Variants in RNF31 observed in about 807,000 individuals in gnomAD.
The protein encoded by RNF31 is ring finger protein 31, also known as E3 ubiquitin-protein ligase RNF31.
Under a neutral mutation model 133.6 loss-of-function variants are expected in RNF31, and 38 were observed. The observed-to-expected ratio is 0.28, with a 90% confidence interval of 0.22 to 0.37. The LOEUF (loss-of-function observed/expected upper bound fraction) is 0.37, where lower values mean the gene tolerates loss of function less well. Ranked by LOEUF, RNF31 falls within the 10% of genes least tolerant of loss-of-function variation. The pLI is 1.00. For synonymous variants in RNF31, 582 were observed against 552.3 expected, an observed-to-expected ratio of 1.05 and a Z score of -0.75; for missense variants, 1,118 against 1,394.1, an observed-to-expected ratio of 0.80 and a Z score of 3.15.
At chr14:24,152,129 A>C (rs905515170) in intron 11 of RNF31, 137 bp downstream of exon 11, 1 of 814,348 alleles carries the variant, frequency 1.2e-6, no homozygotes, top group Admixed American at 3.0e-5. Context: ...TGGGAGGGGG[A>C]AGTCAGGAAC....
rs781555522 is a variant in RNF31, at chr14:24,148,100, G to T, written c.317G>T (p.Arg106Leu). ...GTCAAGTTTAATAACCCTGTCTTTC[G>T]CAGCACGGTGGATGCTGTGCAGGTG... ...RGVKFNNPVF[R>L]STVDAVQGGR... The change falls in exon 2 of 21, where the codon CGC becomes CTC. Residue 106 changes from arginine to leucine, a missense_variant. By Grantham distance (102) the Arg-to-Leu change is moderately radical. This residue lies in a region of RNF31 where 747 missense variants were observed against 827.9 expected (regional missense o/e 0.90). Transcript: ENST00000324103. 193 of 1,614,070 alleles carry T rather than the reference G, an allele frequency of 1.2e-4. No individual in the cohort carries two copies. The highest frequency in any genetic ancestry group is 1.6e-4 in the Non-Finnish European group (191 of 1,180,056).
rs376229045 is a variant in RNF31, at chr14:24,150,702, G to A, written c.1302G>A (p.Arg434=). ...GCTGGGTGTGTGTTATGTGCAACCG[G>A]ACTAGTAGCCCCATTCCAGCACAAC... ...SPGWVCVMCN[R]TSSPIPAQHA... is the part of the protein sequence containing the mutation. Residue 434 remains arginine (R), a synonymous_variant, in exon 8 of 21, where the codon CGG becomes CGA. Coordinates refer to ENST00000324103, the MANE Select transcript of RNF31 (RefSeq NM_017999.5). The A allele has an allele frequency of 6.2e-7, 1 of 1,614,198 alleles. No individual in the cohort carries two copies. Among genetic ancestry groups the A allele is most frequent in the Admixed American group, 1.7e-5 (1 of 60,024 alleles).
In RNF31 at chr14:24,151,409, T is replaced by C. The variant is rs371561066; in HGVS notation, c.1737+30T>C. The C allele has an allele frequency of 6.2e-7, 1 of 1,613,416 alleles. No individual in the cohort carries two copies. Reference sequence around the variant, plus strand: ...CAGCTGTGCTGGATATGGGATAGGGTCGAGAGTCTGCATCTCTCACACTCT... The same window carrying C: ...CAGCTGTGCTGGATATGGGATAGGGCCGAGAGTCTGCATCTCTCACACTCT... On this transcript the variant is annotated intron_variant, in intron 9 of 20. Transcript: ENST00000324103. This position sits in a 1 kb window ranked among gnomAD's most constrained non-coding sequence, Gnocchi z 5.3.
At chr14:24,149,946 T>C (rs896465476) in intron 6 of RNF31, 115 bp from the exon 7 acceptor site, 143 of 1,256,804 alleles carry the variant, frequency 1.1e-4, no homozygotes, top group Non-Finnish European at 1.4e-4. Context: ...AGACAGACAA[T>C]GTGTGCAAAG....
chr14:24,156,635 C>G (rs931859874), intron 14 of RNF31, among the ~76,000 whole-genome samples: 2 of 151,932 alleles, frequency 1.3e-5, no homozygotes, highest in Admixed American at 1.3e-4. Flanking sequence ...AAAAATTAGC[C>G]GGGTGTGGTG....
Position 24,151,047 on chromosome 14 carries a change from C to T in RNF31, c.1489-84C>T. ...TACACTGATGACATGATCCATATGT[C>T]TGAGCTGAGCCACTGTCACCATCTT... On this transcript the variant is annotated intron_variant, in intron 8 of 20. Transcript: ENST00000324103. The surrounding 1 kb of genome is among the most constrained non-coding windows in gnomAD (Gnocchi z 5.3). 6.3e-7 allele frequency: 1 copy of T among 1,578,322 alleles called. No homozygotes were observed. The highest frequency in any genetic ancestry group is 8.6e-7 in the Non-Finnish European group (1 of 1,160,082).
At chr14:24,146,889 C>A, upstream of RNF31, 1 of 500,784 alleles carries the variant, frequency 2.0e-6, no homozygotes, top group Non-Finnish European at 3.6e-6. Flanking sequence ...CTAGGGCCAA[C>A]TGGAAGTCCA....
At chr14:24,149,020 A>G (rs904265865) in intron 5 of RNF31, 144 bp downstream of exon 5, 21 of 806,078 alleles carry the variant, frequency 2.6e-5, no homozygotes, top group East Asian at 1.2e-4. Flanking sequence ...CTGGAGTGCA[A>G]TGGTGCGATC....
At chr14:24,154,643 A>G (rs1428812509) in intron 11 of RNF31, among the ~76,000 whole-genome samples, 1 of 152,172 alleles carries the variant, frequency 6.6e-6, no homozygotes, top group African/African-American at 2.4e-5. Flanking sequence ...CATTGCTCCA[A>G]TGTTAGCTAT....
chr14:24,150,562 A>C lies in RNF31; in HGVS notation c.1198-36A>C, dbSNP rs573586092. 2.5e-6 allele frequency: 4 copies of C among 1,589,776 alleles called. No homozygotes were observed. The East Asian group carries it at 9.0e-5, about 36-fold the overall frequency. On this transcript the variant is annotated intron_variant, in intron 7 of 20. Coordinates refer to ENST00000324103, the MANE Select transcript of RNF31 (RefSeq NM_017999.5). ...TGTATTTCTGTTGTGAACTTCAGCCAGCCAGTCAAAGGGATAATTCTCTCT... is the reference window on the plus strand; with the variant it reads ...TGTATTTCTGTTGTGAACTTCAGCCCGCCAGTCAAAGGGATAATTCTCTCT...
Position 24,155,581 on chromosome 14 carries a change from CT to C in RNF31, c.2404-19del. 1 of 1,613,998 alleles carries C rather than the reference CT, an allele frequency of 6.2e-7. No individual in the cohort carries two copies. Among genetic ancestry groups the C allele is most frequent in the Non-Finnish European group, 8.5e-7 (1 of 1,179,840 alleles). On this transcript the variant is annotated intron_variant, in intron 13 of 20. Coordinates refer to ENST00000324103, the MANE Select transcript of RNF31 (RefSeq NM_017999.5). This position sits in a 1 kb window ranked among gnomAD's most constrained non-coding sequence, Gnocchi z 4.9. ...TGGTTCCAGGTCAGGCCTTTGATAA[CT>C]TTATGCTCTTGCACTTCCAGTGCTC...
chr14:24,148,421 G>A lies in RNF31; in HGVS notation c.495+8G>A, dbSNP rs1306360568. ...CTCAGCCTGCTATTGCAGGTGAGATGCTCCTCTAGTCTTGATGGACTTATG... is the reference window on the plus strand; with the variant it reads ...CTCAGCCTGCTATTGCAGGTGAGATACTCCTCTAGTCTTGATGGACTTATG... On this transcript the variant is annotated splice_region_variant and intron_variant, in intron 3 of 20. Coordinates refer to ENST00000324103, the MANE Select transcript of RNF31 (RefSeq NM_017999.5). 2 of 1,613,356 alleles carry A rather than the reference G, an allele frequency of 1.2e-6. No individual in the cohort carries two copies. Among genetic ancestry groups the A allele is most frequent in the East Asian group, 4.5e-5 (2 of 44,880 alleles).
Position 24,147,789 on chromosome 14 carries a change from C to T in RNF31, c.91C>T (p.Leu31=). 1 of 1,590,286 alleles carries T rather than the reference C, an allele frequency of 6.3e-7. No homozygotes were observed. The highest frequency in any genetic ancestry group is 8.5e-7 in the Non-Finnish European group (1 of 1,170,824). ...LRRDSGQAFS[L]EQLRPLLASS... ...GAGGGATTCCGGGCAGGCGTTTTCC[C>T]TGGAGCAGCTCCGGCCGCTACTAGC... The change falls in exon 1 of 21, where the codon CTG becomes TTG. Residue 31 remains leucine, a synonymous_variant. Transcript: ENST00000324103.
intron 11 of RNF31, among the ~76,000 whole-genome samples, chr14:24,154,701 G>C (rs978397355): frequency 3.9e-5 from 6 of 152,146 alleles, no homozygotes; most frequent in Non-Finnish European, 7.3e-5. Flanking sequence ...CTGTGTGTAT[G>C]TGTGGTTCTA....
At chr14:24,149,295 C>T (rs79491227) in intron 5 of RNF31, 111 bp from the exon 6 acceptor site, 4 of 1,130,528 alleles carry the variant, frequency 3.5e-6, no homozygotes, top group African/African-American at 1.6e-5. Context: ...AAAATTGTTT[C>T]CTTGGGTCCA....
At position 24,147,589 on chromosome 14, in the gene RNF31, G is replaced by T; in HGVS notation, c.-110G>T. Reference sequence around the variant, plus strand: ...GTGACCTGGGGCGGCTGCGTGGGCCGGGGTGGGCCTCAAAGCCGGGCACCA... The same window carrying T: ...GTGACCTGGGGCGGCTGCGTGGGCCTGGGTGGGCCTCAAAGCCGGGCACCA... On this transcript the variant is annotated 5_prime_UTR_variant, in exon 1 of 21. Coordinates refer to ENST00000324103, the MANE Select transcript of RNF31 (RefSeq NM_017999.5). 1.0e-6 allele frequency: 1 copy of T among 987,758 alleles called. No individual in the cohort carries two copies. The highest frequency in any genetic ancestry group is 2.4e-5 in the South Asian group (1 of 41,952). The allele number at this position is 987,758 out of a possible 1,614,324, so 61.2% of individuals were successfully genotyped here. A position where few individuals can be genotyped will look rare whatever the true frequency, so the allele number is the denominator to read the frequency against.
At position 24,150,648 on chromosome 14, in the gene RNF31, T is replaced by C; in HGVS notation, c.1248T>C (p.Ile416=). ...CCCAGAGTCAAGTCTGGTACTGTAT[T>C]CACTGTACCTTCTGCAACTCGAGCC... ...ASAQSQVWYC[I]HCTFCNSSPG... is the part of the protein sequence containing the mutation. Residue 416 remains isoleucine, a synonymous_variant, in exon 8 of 21, where the codon ATT becomes ATC. Coordinates refer to ENST00000324103, the MANE Select transcript of RNF31 (RefSeq NM_017999.5). 6.2e-7 allele frequency: 1 copy of C among 1,614,112 alleles called. No homozygotes were observed. The highest frequency in any genetic ancestry group is 2.2e-5 in the East Asian group (1 of 44,888).
At position 24,158,193 on chromosome 14, in the gene RNF31, C is replaced by T. The variant is rs779693546; in HGVS notation, c.2893C>T (p.Pro965Ser). ...TEPPAGARAV[P>S]GGGCRVIEQK... ...GCCTCCAGCTGGGGCCCGGGCAGTC[C>T]CTGGAGGTGAGTGTTAGGACAAGCC... is the stretch of plus-strand genomic sequence containing the variant. Residue 965 changes from proline to serine, a missense_variant, in exon 18 of 21, where the codon CCT becomes TCT. Pro to Ser is a moderately conservative substitution (Grantham distance 74). Around this residue, in one of 3 missense-constraint regions of RNF31, gnomAD observed 170 missense variants for 194.5 expected, o/e 0.87. Coordinates refer to ENST00000324103, the MANE Select transcript of RNF31 (RefSeq NM_017999.5). The T allele has an allele frequency of 1.2e-6, 2 of 1,614,078 alleles. No homozygotes were observed. Among genetic ancestry groups the T allele is most frequent in the Non-Finnish European group, 8.5e-7 (1 of 1,179,940 alleles).
chr14:24,158,890 G>A (rs986468172), intron 18 of RNF31, among the ~76,000 whole-genome samples: 17 of 151,570 alleles, frequency 1.1e-4, no homozygotes, highest in Non-Finnish European at 7.4e-5. Context: ...AAAATTAGCC[G>A]GGCGTGGTGG....
Sources: gnomAD v4.1 joint callset for allele counts (sites outside exome capture counted in the v4.1 genomes callset) on GRCh38, gnomAD v4.1.1 for gene constraint, gnomAD v4.1.1 regional missense constraint, Gnocchi (gnomAD v3.1) non-coding constraint, MANE v1.5 for transcripts, NCBI Gene and HGNC (gene_info 2026-07-23, HGNC 2026-07-21) for gene names.